ZNF385D: variants seen among roughly 807,000 people sequenced by gnomAD.
ZNF385D encodes the protein zinc finger protein 659.
ZNF385D carries 15 observed loss-of-function variants against 35.8 expected under a neutral mutation model. The ratio of observed to expected loss-of-function variants is 0.42; its 90% CI spans 0.28 to 0.64. The LOEUF (loss-of-function observed/expected upper bound fraction) is 0.64. Ranked by LOEUF, ZNF385D falls within the 30% of genes least tolerant of loss-of-function variation. ZNF385D has a pLI of 0.23. For missense variants in ZNF385D, 474 were observed against 494.6 expected (o/e 0.96, Z 0.39); for synonymous variants, 212 against 186.8 (o/e 1.13, Z -1.10).
chr3:22,253,521 C>T (rs539714973), intron 2 of ZNF385D, among the ~76,000 whole-genome samples: 7 of 152,008 alleles, frequency 4.6e-5, no homozygotes, highest in African/African-American at 1.7e-4. Flanking sequence ...GTTTATGATG[C>T]TGATGGTGAT....
chr3:21,432,818 C>T (rs1228733903), intron 5 of ZNF385D, among the ~76,000 whole-genome samples: 1 of 151,784 alleles, frequency 6.6e-6, no homozygotes, highest in African/African-American at 2.4e-5. Context: ...AGTAGGAATG[C>T]CTCTGTTCAA....
intron 3 of ZNF385D, among the ~76,000 whole-genome samples, chr3:22,145,478 T>C (rs766223188): frequency 5.3e-5 from 8 of 152,210 alleles, no homozygotes; most frequent in Non-Finnish European, 1.0e-4. Flanking sequence ...GACAGACTCT[T>C]TGCCTATGAA....
chr3:21,609,130 C>T (rs754026857), intron 2 of ZNF385D, among the ~76,000 whole-genome samples: 13 of 152,212 alleles, frequency 8.5e-5, no homozygotes, highest in Admixed American at 2.0e-4. Flanking sequence ...CCCCATATCC[C>T]GAAGTAGGCA....
intron 3 of ZNF385D, among the ~76,000 whole-genome samples, chr3:22,102,081 A>G (rs965470593): frequency 2.6e-5 from 4 of 151,746 alleles, no homozygotes; most frequent in African/African-American, 9.7e-5. Context: ...AAAGAAAAGC[A>G]CCAAACATGA....
rs894085329 is a variant in ZNF385D, at chr3:21,419,352, A to C, written c.*1862T>G. The C allele has an allele frequency of 6.6e-6, 1 of 152,096 alleles. No homozygotes were observed. Among genetic ancestry groups the C allele is most frequent in the African/African-American group, 2.4e-5 (1 of 41,414 alleles). The allele number at this position is 152,096 out of a possible 1,614,324, so 9.4% of individuals were successfully genotyped here. A position where few individuals can be genotyped will look rare whatever the true frequency, so the allele number is the denominator to read the frequency against. ...TAGCTAGATGGTGGAGAAGAACTCC[A>C]AAAAACCATGTTTAATGTTGAGCAC... On this transcript the variant is annotated 3_prime_UTR_variant, in exon 8 of 8. Coordinates refer to ENST00000281523, the MANE Select transcript of ZNF385D (RefSeq NM_024697.3).
intron 2 of ZNF385D, among the ~76,000 whole-genome samples, chr3:22,214,534 T>C (rs1697734922): frequency 6.6e-6 from 1 of 152,006 alleles, no homozygotes; most frequent in South Asian, 2.1e-4. Flanking sequence ...GGAGAAATAC[T>C]GCTAAATTCT....
intron 2 of ZNF385D, among the ~76,000 whole-genome samples, chr3:22,324,645 A>G (rs985890403): frequency 2.6e-5 from 4 of 152,186 alleles, no homozygotes; most frequent in African/African-American, 4.8e-5. Flanking sequence ...GGAAAACCCA[A>G]TCAAAATCTC....
chr3:22,335,086 GTATTA>G (rs1695104575), intron 2 of ZNF385D, among the ~76,000 whole-genome samples: 1 of 152,066 alleles, frequency 6.6e-6, no homozygotes. Context: ...CTTTCATTGA[GTATTA>G]TATTTTATAT....
At chr3:21,641,490 T>A (rs1575380621) in intron 2 of ZNF385D, among the ~76,000 whole-genome samples, 2 of 152,134 alleles carry the variant, frequency 1.3e-5, no homozygotes, top group East Asian at 3.9e-4. Flanking sequence ...TATTGTCTGG[T>A]CCCCTTGCTG....
chr3:22,155,812 T>C (rs575701609), intron 3 of ZNF385D, among the ~76,000 whole-genome samples: 1 of 152,238 alleles, frequency 6.6e-6, no homozygotes, highest in Admixed American at 6.5e-5. Flanking sequence ...TCAATTTTTG[T>C]TAAAATAAGG....
chr3:21,855,532 G>A (rs905854143), intron 3 of ZNF385D, among the ~76,000 whole-genome samples: 3 of 151,950 alleles, frequency 2.0e-5, no homozygotes, highest in Non-Finnish European at 4.4e-5. Flanking sequence ...AAGAAAGTTA[G>A]AATCACTGCA....
rs572847712 is a variant in ZNF385D at position 22,301,013 on chromosome 3, T to C, written c.106+71437A>G. On this transcript the variant is annotated intron_variant, in intron 2 of 5. Transcript: ENST00000494108. Reference sequence around the variant, plus strand: ...ATGTTCTTTGCAGATGTACTCACAATAGCCAAGATACAGAAACAACCTAGG... The same window carrying C: ...ATGTTCTTTGCAGATGTACTCACAACAGCCAAGATACAGAAACAACCTAGG... 2.0e-3 allele frequency among the ~76,000 whole-genome samples: 306 copies of C among 152,160 alleles called. 2 individuals carry two copies. The highest frequency in any genetic ancestry group is 1.8e-3 in the Non-Finnish European group (124 of 67,952).
chr3:21,822,885 C>A (rs192582439), intron 3 of ZNF385D, among the ~76,000 whole-genome samples: 44 of 151,670 alleles, frequency 2.9e-4, no homozygotes, highest in African/African-American at 1.0e-3. Context: ...AGTAATACTG[C>A]ATAAAATTTT....
intron 3 of ZNF385D, among the ~76,000 whole-genome samples, chr3:21,916,835 T>G (rs1359676981): frequency 6.6e-6 from 1 of 152,206 alleles, no homozygotes; most frequent in African/African-American, 2.4e-5. Flanking sequence ...GAAGAGACTT[T>G]TGTGTGTAAA....
chr3:21,621,366 C>T (rs1254715380), intron 2 of ZNF385D, among the ~76,000 whole-genome samples: 1 of 152,038 alleles, frequency 6.6e-6, no homozygotes, highest in African/African-American at 2.4e-5. Context: ...TAACATTCTT[C>T]TGTAAAGAAT....
chr3:22,250,819 G>A (rs990052145), intron 2 of ZNF385D, among the ~76,000 whole-genome samples: 1 of 152,058 alleles, frequency 6.6e-6, no homozygotes, highest in Admixed American at 6.6e-5. Context: ...GAGTGAATCT[G>A]TGGGTACCTC....
intron 7 of ZNF385D, 72 bp from the exon 8 acceptor site, chr3:21,421,519 G>A (rs1700738348): frequency 9.0e-7 from 1 of 1,114,970 alleles, no homozygotes; most frequent in South Asian, 1.5e-5. Context: ...AAAATGGCAG[G>A]GAGCTTTTAA....
At chr3:21,914,256 G>A (rs530268836) in intron 3 of ZNF385D, among the ~76,000 whole-genome samples, 3 of 152,002 alleles carry the variant, frequency 2.0e-5, no homozygotes, top group Non-Finnish European at 2.9e-5. Flanking sequence ...CTTGAAGGGG[G>A]TGAGTTAACA....
chr3:22,151,101 A>G (rs571139259), intron 3 of ZNF385D, among the ~76,000 whole-genome samples: 2 of 152,262 alleles, frequency 1.3e-5, no homozygotes, highest in African/African-American at 4.8e-5. Flanking sequence ...TCAACTCTGG[A>G]TGTGTCTTCC....
Sources: gnomAD v4.1 joint callset for allele counts (sites outside exome capture counted in the v4.1 genomes callset) on GRCh38, gnomAD v4.1.1 for gene constraint, MANE v1.5 for transcripts, NCBI Gene and HGNC (gene_info 2026-07-23, HGNC 2026-07-21) for gene names.